SERPINA12: variants seen among roughly 807,000 people sequenced by gnomAD.
SERPINA12 encodes the protein serpin A12.
A neutral mutation model predicts 25.9 loss-of-function variants in SERPINA12; 21 were observed. That is an observed-to-expected ratio of 0.81 (90% confidence interval 0.58 to 1.17). The LOEUF is 1.17. Ranked by LOEUF, SERPINA12 falls within the 50% of genes most tolerant of loss-of-function variation. The pLI is 0.00. For missense variants in SERPINA12, 562 were observed against 508.3 expected, an observed-to-expected ratio of 1.11 and a Z score of -1.02; for synonymous variants, 220 against 196.0, an observed-to-expected ratio of 1.12 and a Z score of -1.02.
chr14:94,504,572 T>A (rs983984893), intron 1 of SERPINA12, among the ~76,000 whole-genome samples: 3 of 152,270 alleles, frequency 2.0e-5, no homozygotes, highest in African/African-American at 7.2e-5. Context: ...TTGCTATTTT[T>A]TCATGTGTTC....
intron 1 of SERPINA12, among the ~76,000 whole-genome samples, chr14:94,506,321 C>T (rs1035632854): frequency 6.6e-6 from 1 of 152,114 alleles, no homozygotes; most frequent in African/African-American, 2.4e-5. Context: ...CCATGCCACA[C>T]CCTAACTCCA....
At chr14:94,499,701 T>G (rs1900629623) in intron 1 of SERPINA12, among the ~76,000 whole-genome samples, 1 of 152,128 alleles carries the variant, frequency 6.6e-6, no homozygotes, top group Non-Finnish European at 1.5e-5. Context: ...GGGATTTAGG[T>G]GCATGTTATG....
intron 1 of SERPINA12, chr14:94,503,179 G>C: frequency 2.0e-6 from 2 of 982,148 alleles, no homozygotes; most frequent in South Asian, 9.4e-5. Flanking sequence ...ATTTTTAAAA[G>C]CACATTTAGA....
chr14:94,513,445 T>C (rs1370683402), upstream of SERPINA12, among the ~76,000 whole-genome samples: 2 of 152,204 alleles, frequency 1.3e-5, no homozygotes, highest in Admixed American at 1.3e-4. Flanking sequence ...GAATTCTATG[T>C]AGAGACAGAA....
intron 1 of SERPINA12, chr14:94,501,129 A>G: frequency 1.0e-6 from 1 of 985,378 alleles, no homozygotes. Flanking sequence ...TGCTTCAGAT[A>G]AACAAAAGAA....
intron 1 of SERPINA12, among the ~76,000 whole-genome samples, chr14:94,507,549 A>G (rs1900975113): frequency 6.6e-6 from 1 of 152,260 alleles, no homozygotes; most frequent in African/African-American, 2.4e-5. Context: ...ATGAACAAAT[A>G]CTTCACAAAA....
chr14:94,499,734 G>GTA (rs1353729133), intron 1 of SERPINA12, among the ~76,000 whole-genome samples: 2 of 152,316 alleles, frequency 1.3e-5, no homozygotes, highest in African/African-American at 4.8e-5. Context: ...TGTCTTCCCT[G>GTA]TAGGGAAGTG....
At chr14:94,492,554 A>G (rs1200760707) in intron 3 of SERPINA12, among the ~76,000 whole-genome samples, 1 of 152,186 alleles carries the variant, frequency 6.6e-6, no homozygotes, top group Non-Finnish European at 1.5e-5. Context: ...TTTGTATCTG[A>G]TGGAAATGAT....
At chr14:94,500,580 G>A (rs577379544) in intron 1 of SERPINA12, among the ~76,000 whole-genome samples, 11 of 152,280 alleles carry the variant, frequency 7.2e-5, no homozygotes, top group African/African-American at 2.4e-4. Context: ...CAATGAGGGA[G>A]GATTTCAAGA....
rs1326954565 is a variant in SERPINA12 at position 94,509,395 on chromosome 14, C to T, written c.-87G>A. 6.6e-6 allele frequency among the ~76,000 whole-genome samples: 1 copy of T among 152,020 alleles called. No individual in the cohort carries two copies. The highest frequency in any genetic ancestry group is 6.5e-5 in the Admixed American group (1 of 15,268). On this transcript the variant is annotated 5_prime_UTR_variant, in exon 1 of 5. Transcript: ENST00000677451. ...CAGGTCAGTCTTCCTTGGCCTTCCC[C>T]AGTTGTTGCTGATCCCAGCCTCCTA...
At chr14:94,495,596 A>G (rs1900383755) in intron 3 of SERPINA12, among the ~76,000 whole-genome samples, 2 of 152,212 alleles carry the variant, frequency 1.3e-5, no homozygotes, top group Admixed American at 6.5e-5. Context: ...ATGGAGATGC[A>G]TGGGGAATGA....
At chr14:94,515,891 C>A (rs1416554209) in exon 2 of SERPINA12, 6 of 152,266 alleles carry the variant, frequency 3.9e-5, no homozygotes, top group Non-Finnish European at 7.3e-5. Context: ...ATAAAACCAT[C>A]CACTTCCTGG....
chr14:94,505,953 AG>A (rs1900917336), intron 1 of SERPINA12, among the ~76,000 whole-genome samples: 2 of 152,230 alleles, frequency 1.3e-5, no homozygotes, highest in African/African-American at 4.8e-5. Flanking sequence ...GCCCCGGAGG[AG>A]GTGCACGTCT....
chr14:94,504,038 G>C (rs934474925), intron 1 of SERPINA12: 11 of 152,192 alleles, frequency 7.2e-5, no homozygotes, highest in African/African-American at 2.7e-4. Context: ...CCCACCTGTG[G>C]ACAGTGCTAC....
chr14:94,496,948 T>G (rs1036484239), intron 2 of SERPINA12, among the ~76,000 whole-genome samples: 1 of 152,244 alleles, frequency 6.6e-6, no homozygotes, highest in Non-Finnish European at 1.5e-5. Flanking sequence ...CAGAGGGGAC[T>G]GCATTACAAT....
upstream of SERPINA12, chr14:94,511,534 A>G: frequency 1.0e-6 from 1 of 985,404 alleles, no homozygotes; most frequent in Non-Finnish European, 1.2e-6. Context: ...GGCTCCTGGG[A>G]TGGCTCACTC....
intron 1 of SERPINA12, among the ~76,000 whole-genome samples, chr14:94,507,976 G>A (rs984224858): frequency 2.6e-5 from 4 of 152,228 alleles, no homozygotes; most frequent in Non-Finnish European, 5.9e-5. Context: ...GAGAGAGAAA[G>A]AGATTCCTGG....
intron 2 of SERPINA12, among the ~76,000 whole-genome samples, chr14:94,514,626 C>T (rs952131212): frequency 1.3e-5 from 2 of 152,146 alleles, no homozygotes; most frequent in Non-Finnish European, 2.9e-5. Context: ...TGTAGGTGTC[C>T]GGCAGTTGGG....
intron 4 of SERPINA12, 124 bp from the exon 5 acceptor site, chr14:94,487,618 T>A (rs1443991671): frequency 1.0e-4 from 69 of 688,976 alleles, no homozygotes; most frequent in Non-Finnish European, 1.4e-4. Flanking sequence ...AGCAGTAACT[T>A]GGTTTACTCC....
Sources: gnomAD v4.1 joint callset for allele counts (sites outside exome capture counted in the v4.1 genomes callset) on GRCh38, gnomAD v4.1.1 for gene constraint, MANE v1.5 for transcripts, NCBI Gene and HGNC (gene_info 2026-07-23, HGNC 2026-07-21) for gene names.